MAP2K5: variants seen among roughly 807,000 people sequenced by gnomAD.
MAP2K5 encodes the protein mitogen-activated protein kinase kinase 5, also known as dual specificity mitogen-activated protein kinase kinase 5.
A neutral mutation model predicts 83.1 loss-of-function variants in MAP2K5; 49 were observed. That is an observed-to-expected ratio of 0.59 (90% CI 0.47 to 0.75). MAP2K5 has a LOEUF of 0.75. MAP2K5 is among the 30% of genes least tolerant of loss of function. MAP2K5 has a pLI of 0.00. For synonymous variants in MAP2K5, 202 were observed against 191.8 expected, an observed-to-expected ratio of 1.05 and a Z score of -0.44; for missense variants, 457 against 557.5, an observed-to-expected ratio of 0.82 and a Z score of 1.82.
Position 67,633,498 on chromosome 15 carries a change from A to G in MAP2K5, c.585+2571A>G, listed in dbSNP as rs117911928. 9.0e-3 allele frequency among the ~76,000 whole-genome samples: 1,364 copies of G among 152,320 alleles called. 13 individuals are homozygous for G. The highest frequency in any genetic ancestry group is 0.037 in the Middle Eastern group (11 of 294). On this transcript the variant is annotated intron_variant, in intron 9 of 21. Coordinates refer to ENST00000178640, the MANE Select transcript of MAP2K5 (RefSeq NM_145160.3). ...TATTGTGCATTAGTTGGGTGTGGCA[A>G]GGGGCCAACAGCTTTTTCTGGAAAA... is the stretch of plus-strand genomic sequence containing the variant.
In MAP2K5 at chr15:67,746,293, C is replaced by T. The variant is rs541049713; in HGVS notation, c.1075-1938C>T. On this transcript the variant is annotated intron_variant, in intron 17 of 21. Coordinates refer to ENST00000178640, the MANE Select transcript of MAP2K5 (RefSeq NM_145160.3). The surrounding 1 kb of genome is among the most constrained non-coding windows in gnomAD (Gnocchi z 4.1). The stretch of plus-strand genomic sequence containing the variant: ...TAGAATGTTTGCTGCATGTTCTCCT[C>T]AGAGAATGTTGTCATCCCCCTGACT... 2.0e-5 allele frequency among the ~76,000 whole-genome samples: 3 copies of T among 152,272 alleles called. No individual in the cohort carries two copies. The East Asian group carries it at 5.8e-4, about 29-fold the overall frequency.
chr15:67,755,132 G>A lies in MAP2K5; in HGVS notation c.1134+6531G>A, dbSNP rs112873684. ...TAGGATTACAGGTGTGCACCACCACGCCCAGCTAATTTTTTTGTGTGTTTT... is the reference window on the plus strand; with the variant it reads ...TAGGATTACAGGTGTGCACCACCACACCCAGCTAATTTTTTTGTGTGTTTT... On this transcript the variant is annotated intron_variant, in intron 19 of 21. Transcript: ENST00000178640. This position sits in a 1 kb window ranked among gnomAD's most constrained non-coding sequence, Gnocchi z 4.7. Among the ~76,000 whole-genome samples, 280 of 151,928 alleles carry A rather than the reference G, an allele frequency of 1.8e-3. 1 individual carries two copies. The highest frequency in any genetic ancestry group is 6.9e-3 in the South Asian group (33 of 4,790).
rs2090297972 is a variant in MAP2K5 at position 67,779,777 on chromosome 15, C to A, written c.1242+7025C>A. 6.6e-6 allele frequency among the ~76,000 whole-genome samples: 1 copy of A among 152,130 alleles called. No individual in the cohort carries two copies. Among genetic ancestry groups the A allele is most frequent in the Non-Finnish European group, 1.5e-5 (1 of 68,034 alleles). ...TTCAAGGCACAGTGAAGCTGTGTAG[C>A]ATTCATTGAGCACAGGAAGAGTTTG... On this transcript the variant is annotated intron_variant, in intron 21 of 21. Transcript: ENST00000178640. The surrounding 1 kb of genome is among the most constrained non-coding windows in gnomAD (Gnocchi z 4.6).
chr15:67,578,921 T>A (rs2085120840), intron 3 of MAP2K5, among the ~76,000 whole-genome samples: 1 of 152,228 alleles, frequency 6.6e-6, no homozygotes, highest in African/African-American at 2.4e-5. Context: ...GACATCTCTA[T>A]AATTAACTTG....
At chr15:67,578,363 C>T (rs1481359224) in intron 3 of MAP2K5, among the ~76,000 whole-genome samples, 1 of 152,152 alleles carries the variant, frequency 6.6e-6, no homozygotes, top group Non-Finnish European at 1.5e-5. Flanking sequence ...AGGCCTAGTG[C>T]CTTGTTGGTG....
intron 8 of MAP2K5, among the ~76,000 whole-genome samples, chr15:67,629,602 TA>T (rs1331078563): frequency 3.3e-5 from 5 of 152,148 alleles, no homozygotes; most frequent in African/African-American, 1.2e-4. Flanking sequence ...AGGGGCTCAT[TA>T]AATATGTTTT....
At chr15:67,569,992 A>G (rs1196709173) in intron 3 of MAP2K5, among the ~76,000 whole-genome samples, 1 of 152,230 alleles carries the variant, frequency 6.6e-6, no homozygotes, top group African/African-American at 2.4e-5. Context: ...GCTACAGCCT[A>G]AAAATCAGGT....
chr15:67,697,980 C>T (rs1156575705), intron 15 of MAP2K5, among the ~76,000 whole-genome samples: 1 of 152,148 alleles, frequency 6.6e-6, no homozygotes, highest in African/African-American at 2.4e-5. Context: ...TCCCCATTGA[C>T]CAGTGAGGAG....
At chr15:67,703,020 A>AT (rs2088460967) in intron 15 of MAP2K5, among the ~76,000 whole-genome samples, 1 of 152,200 alleles carries the variant, frequency 6.6e-6, no homozygotes, top group South Asian at 2.1e-4. Context: ...GTCTCAGCTC[A>AT]TTCACTACTT....
At chr15:67,545,270 C>G (rs2084368765) in intron 1 of MAP2K5, among the ~76,000 whole-genome samples, 1 of 152,194 alleles carries the variant, frequency 6.6e-6, no homozygotes, top group East Asian at 1.9e-4. Flanking sequence ...TTTGTCTCCT[C>G]CACTAGATGG....
chr15:67,715,993 T>C (rs954489750), intron 16 of MAP2K5, among the ~76,000 whole-genome samples: 2 of 152,124 alleles, frequency 1.3e-5, no homozygotes, highest in East Asian at 3.8e-4. Context: ...GACACAGATA[T>C]AAGGTTAGAC....
intron 17 of MAP2K5, among the ~76,000 whole-genome samples, chr15:67,744,037 C>G (rs2089552491): frequency 6.6e-6 from 1 of 152,218 alleles, no homozygotes; most frequent in Non-Finnish European, 1.5e-5. Flanking sequence ...TTGAGCGCTG[C>G]TCCCCTCTGA....
chr15:67,728,406 T>G (rs1011451239), intron 17 of MAP2K5, among the ~76,000 whole-genome samples: 1 of 152,216 alleles, frequency 6.6e-6, no homozygotes, highest in Non-Finnish European at 1.5e-5. Flanking sequence ...GAACATATTA[T>G]TTAAAAATAT....
At chr15:67,679,752 A>G (rs1384121624) in intron 13 of MAP2K5, 3 of 152,132 alleles carry the variant, frequency 2.0e-5, no homozygotes, top group Non-Finnish European at 4.4e-5. Context: ...TGGATTATCA[A>G]TTTATTTATT....
rs182452598 is a variant in MAP2K5, at chr15:67,587,545, T to A, written c.431+632T>A. Among the ~76,000 whole-genome samples the A allele has an allele frequency of 7.2e-5, 11 of 152,316 alleles. No individual in the cohort carries two copies. Among genetic ancestry groups the A allele is most frequent in the Non-Finnish European group, 1.5e-4 (10 of 68,020 alleles). On this transcript the variant is annotated intron_variant, in intron 6 of 21. Coordinates refer to ENST00000178640, the MANE Select transcript of MAP2K5 (RefSeq NM_145160.3). This position sits in a 1 kb window ranked among gnomAD's most constrained non-coding sequence, Gnocchi z 4.8. ...TGGTCATCAAATCTCTTACTGAACA[T>A]CCCTGTCGGAGGAATGCACTTTATC...
rs1451713248 is a variant in MAP2K5, at chr15:67,565,247, C to T, written c.252+1897C>T. Among the ~76,000 whole-genome samples the T allele has an allele frequency of 1.3e-5, 2 of 151,634 alleles. No individual in the cohort carries two copies. The highest frequency in any genetic ancestry group is 2.4e-5 in the African/African-American group (1 of 41,268). On this transcript the variant is annotated intron_variant, in intron 3 of 21. Coordinates refer to ENST00000178640, the MANE Select transcript of MAP2K5 (RefSeq NM_145160.3). This position sits in a 1 kb window ranked among gnomAD's most constrained non-coding sequence, Gnocchi z 4.1. ...TCACTGTTATTTATTTTTTTTTCTC[C>T]GAGATGGAGTCTTGCTCTGTCACCG...
chr15:67,613,132 A>G (rs547640042), intron 8 of MAP2K5, among the ~76,000 whole-genome samples: 1 of 152,288 alleles, frequency 6.6e-6, no homozygotes, highest in South Asian at 2.1e-4. Flanking sequence ...AACTTATCCA[A>G]CCAGCTGCCT....
chr15:67,551,504 T>A (rs2084510372), intron 2 of MAP2K5, among the ~76,000 whole-genome samples: 1 of 152,120 alleles, frequency 6.6e-6, no homozygotes, highest in Non-Finnish European at 1.5e-5. Context: ...GGCTAATTTT[T>A]AAATTTTATG....
Position 67,724,472 on chromosome 15 carries a change from C to T in MAP2K5, c.1045-3444C>T, listed in dbSNP as rs1026504843. On this transcript the variant is annotated intron_variant, in intron 16 of 21. Transcript: ENST00000178640. The surrounding 1 kb of genome is among the most constrained non-coding windows in gnomAD (Gnocchi z 4.4). ...GCAATGGCATGGTCAAGGCTCACTG[C>T]AGTCTCTACCTCCCCGGGCTCAGGT... Among the ~76,000 whole-genome samples, 4 of 152,106 alleles carry T rather than the reference C, an allele frequency of 2.6e-5. No homozygotes were observed. Among genetic ancestry groups the T allele is most frequent in the Admixed American group, 2.6e-4 (4 of 15,262 alleles).
Sources: allele counts gnomAD v4.1 joint callset (sites outside exome capture counted in the v4.1 genomes callset), GRCh38; gene constraint gnomAD v4.1.1; non-coding constraint Gnocchi (gnomAD v3.1); transcripts MANE v1.5; gene names NCBI Gene and HGNC (gene_info 2026-07-23, HGNC 2026-07-21).